PTGFR: variants seen among roughly 807,000 people sequenced by gnomAD.
The protein encoded by PTGFR is prostaglandin F receptor, also known as prostaglandin F2-alpha receptor.
A neutral mutation model predicts 26.2 loss-of-function variants in PTGFR; 15 were observed. The observed-to-expected ratio is 0.57, with a 90% CI of 0.38 to 0.88. The LOEUF (loss-of-function observed/expected upper bound fraction) is 0.88. Among genes scored for constraint, PTGFR ranks in the 40% least tolerant of loss-of-function variants. PTGFR has a pLI of 0.00. For missense variants in PTGFR, 369 were observed against 427.2 expected (o/e 0.86, Z 1.20); for synonymous variants, 165 against 151.1 (o/e 1.09, Z -0.68).
chr1:78,493,878 C>T (rs1447704595), intron 2 of PTGFR, among the ~76,000 whole-genome samples: 2 of 145,888 alleles, frequency 1.4e-5, no homozygotes, highest in South Asian at 2.2e-4. Flanking sequence ...AACATTTGAA[C>T]AGATTGCAGT....
intron 2 of PTGFR, among the ~76,000 whole-genome samples, chr1:78,502,538 A>G (rs1240090441): frequency 6.6e-6 from 1 of 152,210 alleles, no homozygotes; most frequent in African/African-American, 2.4e-5. Context: ...TTGACATATA[A>G]CAAGTACCAT....
At chr1:78,502,672 G>A (rs1649738543) in intron 2 of PTGFR, among the ~76,000 whole-genome samples, 1 of 152,090 alleles carries the variant, frequency 6.6e-6, no homozygotes, top group Non-Finnish European at 1.5e-5. Flanking sequence ...TGAATAATGG[G>A]AATTATAAGA....
chr1:78,513,906 TA>T (rs1650030759), intron 2 of PTGFR, among the ~76,000 whole-genome samples: 1 of 152,250 alleles, frequency 6.6e-6, no homozygotes, highest in Non-Finnish European at 1.5e-5. Context: ...CCTATGGCCT[TA>T]GCATCTTCCG....
intron 2 of PTGFR, among the ~76,000 whole-genome samples, chr1:78,520,212 G>C (rs1650190409): frequency 6.6e-6 from 1 of 152,174 alleles, no homozygotes; most frequent in East Asian, 1.9e-4. Context: ...CTGAAAGTTA[G>C]TTCAGCCCAT....
In PTGFR at chr1:78,507,098, T is replaced by C. The variant is rs116742554; in HGVS notation, c.798+13557T>C. ...GCCCAAGATTTGGTCAGAATTTATA[T>C]ATAATATTTGGAGCTTCCCCTCTCT... On this transcript the variant is annotated intron_variant, in intron 2 of 2. Transcript: ENST00000370757. Among the ~76,000 whole-genome samples, 451 of 152,286 alleles carry C rather than the reference T, an allele frequency of 3.0e-3. 3 individuals carry two copies. The highest frequency in any genetic ancestry group is 0.011 in the African/African-American group (441 of 41,574).
intron 2 of PTGFR, among the ~76,000 whole-genome samples, chr1:78,498,686 CT>C (rs1649622219): frequency 6.6e-6 from 1 of 152,090 alleles, no homozygotes; most frequent in Non-Finnish European, 1.5e-5. Flanking sequence ...CATGTATCCC[CT>C]GACTCTAAAA....
intron 2 of PTGFR, among the ~76,000 whole-genome samples, chr1:78,508,896 C>A (rs1407152619): frequency 6.6e-6 from 1 of 151,988 alleles, no homozygotes; most frequent in East Asian, 1.9e-4. Flanking sequence ...ATGTTACAGT[C>A]AATTCTTTTT....
In PTGFR at chr1:78,539,857, T is replaced by A. The variant is rs1037589638; in HGVS notation, c.*3170T>A. On this transcript the variant is annotated 3_prime_UTR_variant, in exon 3 of 3. Transcript: ENST00000370757. Reference sequence around the variant, plus strand: ...GAGAAGAATTTCAACTTAATTTCCATTATTACCTTTTGCTCTCCCACCCTG... The same window carrying A: ...GAGAAGAATTTCAACTTAATTTCCAATATTACCTTTTGCTCTCCCACCCTG... 5.9e-5 allele frequency: 9 copies of A among 152,146 alleles called. No individual in the cohort carries two copies. The highest frequency in any genetic ancestry group is 2.2e-4 in the African/African-American group (9 of 41,438). 9.4% of individuals were successfully genotyped at this position (152,146 alleles called of 1,614,324 possible).
Position 78,493,386 on chromosome 1 carries a change from G to A in PTGFR, c.643G>A (p.Val215Ile), listed in dbSNP as rs1031401954. The A allele has an allele frequency of 1.2e-6, 2 of 1,613,482 alleles. No homozygotes were observed. The highest frequency in any genetic ancestry group is 1.7e-6 in the Non-Finnish European group (2 of 1,179,870). The change falls in exon 2 of 3, where the codon GTT becomes ATT. Residue 215 changes from valine (V) to isoleucine (I), a missense_variant. Transcript: ENST00000370757. ...TTTTCTGGGGCTCTTAGCCCTTGGT[G>A]TTTCATTGTTGTGCAATGCAATCAC... is the stretch of plus-strand genomic sequence containing the variant. ...FSFLGLLALG[V>I]SLLCNAITGI... is the part of the protein sequence containing the mutation.
chr1:78,523,425 T>C (rs979978934), intron 2 of PTGFR, among the ~76,000 whole-genome samples: 1 of 152,052 alleles, frequency 6.6e-6, no homozygotes, highest in East Asian at 1.9e-4. Flanking sequence ...AGTCAGTATG[T>C]TGGGACAGTG....
intron 2 of PTGFR, among the ~76,000 whole-genome samples, chr1:78,517,682 A>C (rs552167348): frequency 1.3e-5 from 2 of 152,236 alleles, no homozygotes; most frequent in Admixed American, 1.3e-4. Flanking sequence ...GAATTTGAGG[A>C]CACAGAAGAA....
At chr1:78,492,626 T>A (rs1462857121) in intron 1 of PTGFR, 46 bp from the exon 2 acceptor site, 1 of 982,936 alleles carries the variant, frequency 1.0e-6, no homozygotes, top group Non-Finnish European at 1.5e-6. Context: ...AAACGTCAGA[T>A]GAGCAGTAAT....
intron 2 of PTGFR, among the ~76,000 whole-genome samples, chr1:78,520,707 TTATTGCTTATC>T (rs1312544815): frequency 4.6e-5 from 7 of 152,118 alleles, no homozygotes; most frequent in Non-Finnish European, 8.8e-5. Flanking sequence ...GAGCATGTCT[TTATTGCTTATC>T]TTGAATGTGT....
At chr1:78,497,631 T>C (rs1649588226) in intron 2 of PTGFR, among the ~76,000 whole-genome samples, 1 of 152,184 alleles carries the variant, frequency 6.6e-6, no homozygotes, top group South Asian at 2.1e-4. Context: ...GTTCACCTAT[T>C]TGGCAGAACA....
chr1:78,504,341 C>A (rs1276780387), intron 2 of PTGFR, among the ~76,000 whole-genome samples: 1 of 152,028 alleles, frequency 6.6e-6, no homozygotes, highest in African/African-American at 2.4e-5. Flanking sequence ...TATTTTAATT[C>A]TTTGATTAAT....
At position 78,491,991 on chromosome 1, in the gene PTGFR, G is replaced by A. The variant is rs1007513276; in HGVS notation, c.-72-681G>A. ...ATCTTGGCCGAGGTGCACAGTGAGC[G>A]TGGCCCGCCCCCTTCCTCATCGCGA... is the stretch of plus-strand genomic sequence containing the variant. On this transcript the variant is annotated intron_variant, in intron 1 of 2. Coordinates refer to ENST00000370757, the MANE Select transcript of PTGFR (RefSeq NM_000959.4). Among the ~76,000 whole-genome samples, 13 of 152,230 alleles carry A rather than the reference G, an allele frequency of 8.5e-5. No homozygotes were observed. In the East Asian group the frequency reaches 2.3e-3, roughly 27 times the overall value.
chr1:78,495,736 G>A (rs1044492406), intron 2 of PTGFR, among the ~76,000 whole-genome samples: 1 of 152,160 alleles, frequency 6.6e-6, no homozygotes, highest in African/African-American at 2.4e-5. Context: ...ATTATGGAAG[G>A]AAGCAAAATT....
chr1:78,533,411 T>C (rs1650568974), intron 2 of PTGFR, among the ~76,000 whole-genome samples: 1 of 152,178 alleles, frequency 6.6e-6, no homozygotes, highest in Non-Finnish European at 1.5e-5. Flanking sequence ...GACAACATTT[T>C]CCTGTACCCT....
intron 2 of PTGFR, chr1:78,532,141 C>A: frequency 2.8e-6 from 1 of 362,516 alleles, no homozygotes; most frequent in Non-Finnish European, 5.4e-6. Flanking sequence ...AAACAAAATG[C>A]AATAAGAAAA....
Sources: gnomAD v4.1 joint callset for allele counts (sites outside exome capture counted in the v4.1 genomes callset) on GRCh38, gnomAD v4.1.1 for gene constraint, MANE v1.5 for transcripts, NCBI Gene and HGNC (gene_info 2026-07-23, HGNC 2026-07-21) for gene names.